Variants in INPP4B observed in about 807,000 individuals in gnomAD.
INPP4B encodes the protein inositol polyphosphate-4-phosphatase type II B.
Under a neutral mutation model 122.5 loss-of-function variants are expected in INPP4B, and 55 were observed. The ratio of observed to expected loss-of-function variants is 0.45; its 90% CI spans 0.36 to 0.56. The LOEUF (loss-of-function observed/expected upper bound fraction) is 0.56. Among genes scored for constraint, INPP4B ranks in the 20% least tolerant of loss-of-function variants. The probability of loss-of-function intolerance (pLI) is 0.00; values close to 1 mark genes in which losing one functional copy is unlikely to be tolerated. For missense variants in INPP4B, 1,000 were observed against 1,097.7 expected, an observed-to-expected ratio of 0.91 and a Z score of 1.26; for synonymous variants, 403 against 388.7, an observed-to-expected ratio of 1.04 and a Z score of -0.43.
chr4:142,058,418 C>T (rs985995620), intron 25 of INPP4B, among the ~76,000 whole-genome samples: 1 of 152,054 alleles, frequency 6.6e-6, no homozygotes. Context: ...ATTACTGTGC[C>T]ATTATTTCTC....
At chr4:142,632,459 G>A (rs776060715) in intron 2 of INPP4B, among the ~76,000 whole-genome samples, 4 of 152,014 alleles carry the variant, frequency 2.6e-5, no homozygotes, top group Non-Finnish European at 5.9e-5. Flanking sequence ...GGGGGGAGAT[G>A]AAGAGAGATT....
At chr4:142,449,505 C>T in intron 3 of INPP4B, among the ~76,000 whole-genome samples, 1 of 152,006 alleles carries the variant, frequency 6.6e-6, no homozygotes, top group East Asian at 1.9e-4. Flanking sequence ...AGATTGAGAC[C>T]ATCCTGGCCA....
At chr4:142,521,135 G>A (rs1420895715) in intron 2 of INPP4B, among the ~76,000 whole-genome samples, 1 of 151,742 alleles carries the variant, frequency 6.6e-6, no homozygotes, top group Admixed American at 6.6e-5. Flanking sequence ...GTATCAAAGA[G>A]ATGAAAAATA....
At chr4:142,379,628 T>C (rs1275046028) in intron 7 of INPP4B, among the ~76,000 whole-genome samples, 3 of 152,206 alleles carry the variant, frequency 2.0e-5, no homozygotes, top group Admixed American at 6.5e-5. Flanking sequence ...GTGCAGCCTA[T>C]AAAACCTTAC....
chr4:142,637,623 A>G (rs1580579710), intron 2 of INPP4B, among the ~76,000 whole-genome samples: 1 of 152,230 alleles, frequency 6.6e-6, no homozygotes, highest in South Asian at 2.1e-4. Flanking sequence ...GGTTACTTCC[A>G]AATTTTGGCA....
At chr4:142,094,864 T>A (rs1781168049) in intron 23 of INPP4B, among the ~76,000 whole-genome samples, 1 of 152,170 alleles carries the variant, frequency 6.6e-6, no homozygotes. Flanking sequence ...TCTGAGGTAT[T>A]AGGTATAAAT....
At chr4:142,465,785 T>C (rs1404688727) in intron 2 of INPP4B, among the ~76,000 whole-genome samples, 1 of 152,158 alleles carries the variant, frequency 6.6e-6, no homozygotes, top group Non-Finnish European at 1.5e-5. Context: ...TGGTGATAAG[T>C]GAGTTCTTGC....
At chr4:142,035,875 A>T (rs1344316854) in intron 25 of INPP4B, among the ~76,000 whole-genome samples, 2 of 152,150 alleles carry the variant, frequency 1.3e-5, no homozygotes. Context: ...GCATGCAGGC[A>T]TGTGTTGGGT....
chr4:142,431,312 T>G lies in INPP4B; in HGVS notation c.-53A>C. On this transcript the variant is annotated 5_prime_UTR_variant, in exon 4 of 26. Transcript: ENST00000262992. ...CCAAATTTTCTTGTCCAAATGTCAGTTCTAGTGATTCCTGGTTTAATGTAG... is the reference window on the plus strand; with the variant it reads ...CCAAATTTTCTTGTCCAAATGTCAGGTCTAGTGATTCCTGGTTTAATGTAG... The G allele has an allele frequency of 7.9e-7, 1 of 1,259,564 alleles. No homozygotes were observed. The highest frequency in any genetic ancestry group is 1.2e-6 in the Non-Finnish European group (1 of 860,724). 78.0% of individuals were successfully genotyped at this position (1,259,564 alleles called of 1,614,324 possible).
chr4:142,526,815 A>G (rs13135042), intron 2 of INPP4B, among the ~76,000 whole-genome samples: 54,955 of 151,758 alleles, frequency 0.36, 11,648 homozygotes, highest in Non-Finnish European at 0.5. Flanking sequence ...TATAAAATAT[A>G]TGATGTCATG....
intron 23 of INPP4B, among the ~76,000 whole-genome samples, chr4:142,094,406 G>GAT (rs1291985736): frequency 6.6e-6 from 1 of 152,148 alleles, no homozygotes; most frequent in East Asian, 1.9e-4. Flanking sequence ...TTACCCCAAT[G>GAT]ATAGCCCTAG....
chr4:142,208,848 G>A (rs1216266057), intron 13 of INPP4B, 48 bp downstream of exon 13: 3 of 1,326,046 alleles, frequency 2.3e-6, no homozygotes, highest in Non-Finnish European at 3.0e-6. Flanking sequence ...CATTTCACAT[G>A]CAGGAAATGC....
chr4:142,494,741 T>A (rs1343622181), intron 2 of INPP4B, among the ~76,000 whole-genome samples: 2 of 152,194 alleles, frequency 1.3e-5, no homozygotes, highest in African/African-American at 4.8e-5. Context: ...TTTTTCTTCA[T>A]CTTTTAAAAA....
At chr4:142,732,620 T>C (rs899106792) in intron 1 of INPP4B, among the ~76,000 whole-genome samples, 1 of 150,742 alleles carries the variant, frequency 6.6e-6, no homozygotes, top group Non-Finnish European at 1.5e-5. Flanking sequence ...GAATAAAATC[T>C]AACAAAAGAT....
At chr4:142,756,107 G>C (rs1028069637) in intron 1 of INPP4B, among the ~76,000 whole-genome samples, 2 of 152,036 alleles carry the variant, frequency 1.3e-5, no homozygotes, top group Admixed American at 1.3e-4. Context: ...GCAGGCGAAT[G>C]AATGAGACAA....
At chr4:142,653,710 T>G (rs1041592986) in intron 2 of INPP4B, among the ~76,000 whole-genome samples, 2 of 152,146 alleles carry the variant, frequency 1.3e-5, no homozygotes, top group African/African-American at 4.8e-5. Context: ...CATTAAAATG[T>G]CAGGAAACAA....
chr4:142,128,935 T>G (rs1359774060), intron 18 of INPP4B, among the ~76,000 whole-genome samples: 1 of 152,192 alleles, frequency 6.6e-6, no homozygotes, highest in Non-Finnish European at 1.5e-5. Flanking sequence ...TCTGAGCCAT[T>G]CTCTTCTCAG....
intron 2 of INPP4B, among the ~76,000 whole-genome samples, chr4:142,577,591 A>C (rs1364916): frequency 0.99 from 150,032 of 152,096 alleles, 74,034 homozygotes; most frequent in East Asian, 1. Flanking sequence ...AAAGTCAGCA[A>C]AAAGTCCCAG....
chr4:142,085,116 C>A (rs965969459), intron 24 of INPP4B, among the ~76,000 whole-genome samples: 1 of 152,216 alleles, frequency 6.6e-6, no homozygotes, highest in Non-Finnish European at 1.5e-5. Context: ...ATGTTCTTCC[C>A]TGGGGCTCCA....
Sources: gnomAD v4.1 joint callset for allele counts (sites outside exome capture counted in the v4.1 genomes callset) on GRCh38, gnomAD v4.1.1 for gene constraint, MANE v1.5 for transcripts, NCBI Gene and HGNC (gene_info 2026-07-23, HGNC 2026-07-21) for gene names.